Variants in RBM28 observed in about 807,000 individuals in gnomAD.
RBM28 encodes RNA-binding protein 28.
In RBM28, 78 loss-of-function variants were observed where a neutral mutation model predicts 98.3. That is an observed-to-expected ratio of 0.79 (90% CI 0.66 to 0.96). The LOEUF is 0.96. Among genes scored for constraint, RBM28 ranks in the 40% least tolerant of loss-of-function variants. The probability of loss-of-function intolerance (pLI) is 0.00; values close to 1 mark genes in which losing one functional copy is unlikely to be tolerated. For missense variants in RBM28, 838 were observed against 913.0 expected (o/e 0.92, Z 1.06); for synonymous variants, 306 against 330.9 (o/e 0.92, Z 0.82).
intron 2 of RBM28, 129 bp downstream of exon 2, chr7:128,339,504 T>C (rs2048499172): frequency 7.7e-7 from 1 of 1,296,212 alleles, no homozygotes; most frequent in South Asian, 1.3e-5. Context: ...CACTGGATGA[T>C]TTTGGAGATC....
intron 9 of RBM28, 121 bp from the exon 10 acceptor site, chr7:128,331,049 A>C (rs1796469789): frequency 1.4e-6 from 1 of 733,304 alleles, no homozygotes; most frequent in Non-Finnish European, 2.4e-6. Context: ...GCACTAATAC[A>C]TAGGGATGGC....
At chr7:128,338,854 C>T in intron 3 of RBM28, 53 bp from the exon 4 acceptor site, 1 of 1,223,986 alleles carries the variant, frequency 8.2e-7, no homozygotes, top group Non-Finnish European at 1.2e-6. Context: ...AGCAAATTAA[C>T]ATAAAACATC....
intron 5 of RBM28, among the ~76,000 whole-genome samples, chr7:128,337,599 C>G (rs1378423998): frequency 1.4e-5 from 2 of 141,536 alleles, no homozygotes; most frequent in Non-Finnish European, 3.0e-5. Flanking sequence ...CGCTCTGTCG[C>G]CCAGGCTGGA....
At chr7:128,311,850 T>C (rs930135824) in intron 18 of RBM28, among the ~76,000 whole-genome samples, 8 of 152,190 alleles carry the variant, frequency 5.3e-5, no homozygotes, top group Non-Finnish European at 8.8e-5. Flanking sequence ...TTTTTCTTTC[T>C]AGGGTTCTAA....
In RBM28 at chr7:128,323,699, C is replaced by T. The variant is rs1796286455; in HGVS notation, c.1340-108G>A. 3.9e-6 allele frequency: 5 copies of T among 1,286,716 alleles called. No individual in the cohort carries two copies. The South Asian group carries it at 6.2e-5, about 16-fold the overall frequency. The allele number at this position is 1,286,716 out of a possible 1,614,324, so 79.7% of individuals were successfully genotyped here. Reference sequence around the variant, plus strand: ...AACTCTTTGTACAGGGCCCAGAGGACTATCTTGGCCAGGACACGGTGGCAT... The same window carrying T: ...AACTCTTTGTACAGGGCCCAGAGGATTATCTTGGCCAGGACACGGTGGCAT... On this transcript the variant is annotated intron_variant, in intron 12 of 18. Coordinates refer to ENST00000223073, the MANE Select transcript of RBM28 (RefSeq NM_018077.3).
chr7:128,313,365 T>G, intron 17 of RBM28, 91 bp from the exon 18 acceptor site: 2 of 1,255,464 alleles, frequency 1.6e-6, no homozygotes, highest in Non-Finnish European at 2.3e-6. Context: ...CCCAAGCCCA[T>G]GATAAGTGAA....
chr7:128,323,612 G>A (rs756572057), intron 12 of RBM28, 21 bp from the exon 13 acceptor site: 2 of 1,614,096 alleles, frequency 1.2e-6, no homozygotes, highest in Admixed American at 1.7e-5. Flanking sequence ...AGGGAAAAAG[G>A]CCAAGACATC....
At chr7:128,334,619 T>C (rs1796557134) in intron 8 of RBM28, among the ~76,000 whole-genome samples, 2 of 152,222 alleles carry the variant, frequency 1.3e-5, no homozygotes, top group African/African-American at 2.4e-5. Context: ...CATTCTGTAA[T>C]GACCTGCCTT....
intron 10 of RBM28, among the ~76,000 whole-genome samples, chr7:128,328,472 CA>C (rs1796401890): frequency 6.6e-6 from 1 of 151,742 alleles, no homozygotes; most frequent in Non-Finnish European, 1.5e-5. Flanking sequence ...CATGAGTAGG[CA>C]AAAAAGGTAT....
chr7:128,334,560 T>TA (rs1796556215), intron 8 of RBM28, among the ~76,000 whole-genome samples: 1 of 152,146 alleles, frequency 6.6e-6, no homozygotes, highest in Non-Finnish European at 1.5e-5. Flanking sequence ...ACAGCTGAAA[T>TA]AAAAATCTCC....
At chr7:128,339,466 C>A in intron 2 of RBM28, 145 bp from the exon 3 acceptor site, 1 of 1,165,544 alleles carries the variant, frequency 8.6e-7, no homozygotes. Context: ...CCAGATTTTT[C>A]CAAAGAACTA....
intron 18 of RBM28, among the ~76,000 whole-genome samples, chr7:128,312,680 C>T (rs898896719): frequency 6.6e-6 from 1 of 152,044 alleles, no homozygotes; most frequent in African/African-American, 2.4e-5. Flanking sequence ...CCGACTCATA[C>T]TAACCAAGTA....
intron 1 of RBM28, among the ~76,000 whole-genome samples, chr7:128,341,993 C>T (rs555896845): frequency 6.6e-6 from 1 of 152,180 alleles, no homozygotes. Flanking sequence ...CCTGTCTCTA[C>T]AAAAAATATT....
chr7:128,331,972 CAT>C (rs1454189857), intron 9 of RBM28, among the ~76,000 whole-genome samples: 1 of 152,142 alleles, frequency 6.6e-6, no homozygotes, highest in Admixed American at 6.5e-5. Flanking sequence ...CTAAGATAGA[CAT>C]AGTTTTCTCT....
In RBM28 at chr7:128,304,100, T is replaced by C. The variant is rs1173398925; in HGVS notation, c.*6697A>G. The C allele has an allele frequency of 6.6e-6, 1 of 152,160 alleles. No individual in the cohort carries two copies. Among genetic ancestry groups the C allele is most frequent in the African/African-American group, 2.4e-5 (1 of 41,436 alleles). The allele number at this position is 152,160 out of a possible 1,614,324, so 9.4% of individuals were successfully genotyped here. On this transcript the variant is annotated 3_prime_UTR_variant, in exon 19 of 19. Transcript: ENST00000223073. ...TGCTGGTAAATGCTTAACAACTGGCTCTCTGGGATAAAAATGTATATATGT... is the reference window on the plus strand; with the variant it reads ...TGCTGGTAAATGCTTAACAACTGGCCCTCTGGGATAAAAATGTATATATGT...
Position 128,313,074 on chromosome 7 carries a change from T to C in RBM28, c.2145+101A>G, listed in dbSNP as rs897965859. ...AAAAAGCTACCGTCCTACACAGAAG[T>C]CTTTCTTTTTTTCTTTTTTGCTCAA... is the stretch of plus-strand genomic sequence containing the variant. On this transcript the variant is annotated intron_variant, in intron 18 of 18. Coordinates refer to ENST00000223073, the MANE Select transcript of RBM28 (RefSeq NM_018077.3). 5.1e-6 allele frequency: 6 copies of C among 1,186,772 alleles called. No individual in the cohort carries two copies. In the African/African-American group the frequency reaches 9.1e-5, roughly 18 times the overall value. The allele number at this position is 1,186,772 out of a possible 1,614,324, so 73.5% of individuals were successfully genotyped here.
rs150834440 is a variant in RBM28 at position 128,308,320 on chromosome 7, A to C, written c.*2477T>G. On this transcript the variant is annotated 3_prime_UTR_variant, in exon 19 of 19. Coordinates refer to ENST00000223073, the MANE Select transcript of RBM28 (RefSeq NM_018077.3). ...TCTGAATGAACACCAATTTTGATCT[A>C]TCCTAAGTGTTAAGATATATTTTTG... The C allele has an allele frequency of 6.6e-6, 1 of 152,374 alleles. No individual in the cohort carries two copies. Among genetic ancestry groups the C allele is most frequent in the East Asian group, 1.9e-4 (1 of 5,190 alleles). The allele number at this position is 152,374 out of a possible 1,614,324, so 9.4% of individuals were successfully genotyped here. A position where few individuals can be genotyped will look rare whatever the true frequency, so the allele number is the denominator to read the frequency against.
At chr7:128,327,118 C>T (rs984673287) in intron 10 of RBM28, among the ~76,000 whole-genome samples, 2 of 151,334 alleles carry the variant, frequency 1.3e-5, no homozygotes, top group African/African-American at 4.9e-5. Context: ...GGTGACAGAG[C>T]GAGACCTTGT....
In RBM28 at chr7:128,302,743, A is replaced by C. The variant is rs1192161080; in HGVS notation, c.*8054T>G. On this transcript the variant is annotated 3_prime_UTR_variant, in exon 19 of 19. Transcript: ENST00000223073. ...TTAGTCCAGGGGTAGCAGGAAAAGA[A>C]GCTGGTCAAGTAAAGGGTTTAATCC... 2.0e-5 allele frequency: 3 copies of C among 152,210 alleles called. No individual in the cohort carries two copies. Among genetic ancestry groups the C allele is most frequent in the African/African-American group, 7.2e-5 (3 of 41,450 alleles). 9.4% of individuals were successfully genotyped at this position (152,210 alleles called of 1,614,324 possible). A position where few individuals can be genotyped will look rare whatever the true frequency, so the allele number is the denominator to read the frequency against.
Sources: allele counts gnomAD v4.1 joint callset (sites outside exome capture counted in the v4.1 genomes callset), GRCh38; gene constraint gnomAD v4.1.1; transcripts MANE v1.5; gene names NCBI Gene and HGNC (gene_info 2026-07-23, HGNC 2026-07-21).